The following OTUD7A variants were observed in gnomAD, a reference collection of about 807,000 sequenced individuals.
OTUD7A encodes OTU deubiquitinase 7A.
OTUD7A carries 12 observed loss-of-function variants against 65.7 expected under a neutral mutation model. The observed-to-expected ratio is 0.18, with a 90% CI of 0.12 to 0.30. The LOEUF (loss-of-function observed/expected upper bound fraction) is 0.30, where lower values mean the gene tolerates loss of function less well. OTUD7A is among the 10% of genes least tolerant of loss of function. The probability of loss-of-function intolerance (pLI) is 1.00; values close to 1 mark genes in which losing one functional copy is unlikely to be tolerated. For synonymous variants in OTUD7A, 641 were observed against 586.3 expected, an observed-to-expected ratio of 1.09 and a Z score of -1.35; for missense variants, 1,148 against 1,304.8, an observed-to-expected ratio of 0.88 and a Z score of 1.85.
rs535026715 is a variant in OTUD7A, at chr15:31,665,204, C to T, written c.-99-8127G>A. On this transcript the variant is annotated intron_variant, in intron 1 of 12. Transcript: ENST00000307050. ...TTTCTAATTCTGTGAAGAATGATGG[C>T]AGTATTTTGATGGGGATTGCACTGA... Among the ~76,000 whole-genome samples, 45 of 152,142 alleles carry T rather than the reference C, an allele frequency of 3.0e-4. No individual in the cohort carries two copies. The South Asian group carries it at 9.1e-3, about 31-fold the overall frequency.
intron 1 of OTUD7A, among the ~76,000 whole-genome samples, chr15:31,785,443 A>C (rs906622038): frequency 3.9e-5 from 6 of 152,130 alleles, no homozygotes; most frequent in African/African-American, 1.4e-4. Context: ...TTCTTTTTTA[A>C]ATGAAAGAGG....
At chr15:31,681,620 T>C (rs1892720274) in intron 1 of OTUD7A, among the ~76,000 whole-genome samples, 1 of 124,048 alleles carries the variant, frequency 8.1e-6, no homozygotes, top group Admixed American at 8.1e-5. Context: ...TCTCCCTCTA[T>C]ACCTTTCTGT....
intron 1 of OTUD7A, among the ~76,000 whole-genome samples, chr15:31,825,586 C>T (rs1896778965): frequency 6.6e-6 from 1 of 152,146 alleles, no homozygotes; most frequent in South Asian, 2.1e-4. Context: ...CCCCTGGGCC[C>T]TGCCAAATCT....
chr15:31,586,830 C>G (rs1188587714), intron 3 of OTUD7A, among the ~76,000 whole-genome samples: 1 of 151,964 alleles, frequency 6.6e-6, no homozygotes, highest in Non-Finnish European at 1.5e-5. Flanking sequence ...CTTGGCTTGC[C>G]CCCTCTCCAC....
At chr15:31,752,187 A>T (rs1177756489) in intron 1 of OTUD7A, among the ~76,000 whole-genome samples, 1 of 152,220 alleles carries the variant, frequency 6.6e-6, no homozygotes, top group East Asian at 1.9e-4. Context: ...AAAAACACAA[A>T]ATGTATACAG....
chr15:31,550,085 G>A (rs1888269312), intron 5 of OTUD7A, among the ~76,000 whole-genome samples: 1 of 145,582 alleles, frequency 6.9e-6, no homozygotes, highest in Non-Finnish European at 1.5e-5. Context: ...GGGCAACAGA[G>A]GGAGACCCTG....
At position 31,734,476 on chromosome 15, in the gene OTUD7A, G is replaced by A. The variant is rs564729902; in HGVS notation, c.-99-77399C>T. Among the ~76,000 whole-genome samples, 12 of 152,256 alleles carry A rather than the reference G, an allele frequency of 7.9e-5. No individual in the cohort carries two copies. The East Asian group carries it at 2.3e-3, about 29-fold the overall frequency. Reference sequence around the variant, plus strand: ...ATCATAAGCAAAAAGAACAAAGCTGGAGGCATCATGCTACCTAACTTCAAA... The same window carrying A: ...ATCATAAGCAAAAAGAACAAAGCTGAAGGCATCATGCTACCTAACTTCAAA... On this transcript the variant is annotated intron_variant, in intron 1 of 12. Transcript: ENST00000307050.
At chr15:31,507,177 T>C (rs972920990) in intron 8 of OTUD7A, among the ~76,000 whole-genome samples, 1 of 152,240 alleles carries the variant, frequency 6.6e-6, no homozygotes, top group Non-Finnish European at 1.5e-5. Context: ...GGGAATAATG[T>C]GTATTTTAAA....
chr15:31,562,535 C>T (rs868740976), intron 4 of OTUD7A, among the ~76,000 whole-genome samples: 3 of 151,980 alleles, frequency 2.0e-5, no homozygotes, highest in Admixed American at 1.3e-4. Flanking sequence ...AGATGACCGG[C>T]GCCTCCCCGT....
intron 1 of OTUD7A, among the ~76,000 whole-genome samples, chr15:31,780,309 G>T (rs1416457454): frequency 6.8e-6 from 1 of 147,440 alleles, no homozygotes; most frequent in Non-Finnish European, 1.5e-5. Flanking sequence ...TTTTAAAATG[G>T]GGCTTCTTCT....
At chr15:31,789,151 C>A (rs911267875) in intron 1 of OTUD7A, among the ~76,000 whole-genome samples, 2 of 152,164 alleles carry the variant, frequency 1.3e-5, no homozygotes, top group Non-Finnish European at 2.9e-5. Context: ...GTAATAGACA[C>A]AGAATGTCTT....
At chr15:31,852,667 G>C (rs1897460530) in intron 1 of OTUD7A, among the ~76,000 whole-genome samples, 2 of 152,186 alleles carry the variant, frequency 1.3e-5, no homozygotes, top group Non-Finnish European at 2.9e-5. Flanking sequence ...GGCCAATTCT[G>C]TGCTCCTCAA....
intron 3 of OTUD7A, among the ~76,000 whole-genome samples, chr15:31,645,228 T>C (rs1305553337): frequency 6.6e-6 from 1 of 152,218 alleles, no homozygotes; most frequent in Non-Finnish European, 1.5e-5. Flanking sequence ...ACCTTGTTTG[T>C]TTCCAATCTC....
chr15:31,859,181 T>C (rs1052243086), intron 1 of OTUD7A, among the ~76,000 whole-genome samples: 3 of 152,244 alleles, frequency 2.0e-5, no homozygotes, highest in Non-Finnish European at 4.4e-5. Context: ...CTAACAAAAT[T>C]GTATTTTTTT....
intron 1 of OTUD7A, among the ~76,000 whole-genome samples, chr15:31,704,754 G>A (rs1429255428): frequency 9.2e-6 from 1 of 108,440 alleles, no homozygotes; most frequent in African/African-American, 3.2e-5. Context: ...CAAGCTGACG[G>A]TTCACAAGAT....
rs71110888 is a variant in OTUD7A, at chr15:31,533,234, ATT to A, written c.551-2428_551-2427del. On this transcript the variant is annotated intron_variant, in intron 5 of 12. Transcript: ENST00000307050. Reference sequence around the variant, plus strand: ...TGTAGGCCAGAAGGAAGCAGGATAAATTTTTTTTTTTTTTTTTTTTGAGACAG... The same window carrying A: ...TGTAGGCCAGAAGGAAGCAGGATAAATTTTTTTTTTTTTTTTTTGAGACAG... Among the ~76,000 whole-genome samples, 1,026 of 135,780 alleles carry A rather than the reference ATT, an allele frequency of 7.6e-3. 14 individuals are homozygous for A. Among genetic ancestry groups the A allele is most frequent in the African/African-American group, 0.027 (930 of 34,862 alleles). The allele number at this position is 135,780 out of a possible 152,430, so 89.1% of individuals were successfully genotyped here.
intron 1 of OTUD7A, among the ~76,000 whole-genome samples, chr15:31,756,331 A>G (rs921124557): frequency 4.9e-4 from 75 of 152,266 alleles, no homozygotes; most frequent in African/African-American, 1.7e-3. Flanking sequence ...TTCTCCTGCA[A>G]ACAATAATTG....
At chr15:31,777,500 C>A (rs75540024) in intron 1 of OTUD7A, among the ~76,000 whole-genome samples, 11 of 142,682 alleles carry the variant, frequency 7.7e-5, no homozygotes, top group African/African-American at 2.9e-4. Context: ...CTTGGGTCAG[C>A]GCTGGCACTC....
In OTUD7A at chr15:31,565,081, A is replaced by G. The variant is rs1318998788; in HGVS notation, c.331+4937T>C. 2.0e-5 allele frequency among the ~76,000 whole-genome samples: 3 copies of G among 152,212 alleles called. No individual in the cohort carries two copies. The East Asian group carries it at 5.8e-4, about 29-fold the overall frequency. ...GATGAAACTCAGAGAAGACACAGAT[A>G]ATATGTATTAAAATTTCTAACTCAA... On this transcript the variant is annotated intron_variant, in intron 4 of 12. Transcript: ENST00000307050.
Sources: allele counts gnomAD v4.1 joint callset (sites outside exome capture counted in the v4.1 genomes callset), GRCh38; gene constraint gnomAD v4.1.1; transcripts MANE v1.5; gene names NCBI Gene and HGNC (gene_info 2026-07-23, HGNC 2026-07-21).